Variants in BCOR observed in about 807,000 individuals in gnomAD.
The protein encoded by BCOR is BCL6 corepressor.
Under a neutral mutation model 86.7 loss-of-function variants are expected in BCOR, and 10 were observed. The ratio of observed to expected loss-of-function variants is 0.12; its 90% CI spans 0.07 to 0.20. The LOEUF (loss-of-function observed/expected upper bound fraction) is 0.20, where lower values mean the gene tolerates loss of function less well. Ranked by LOEUF, BCOR falls within the 10% of genes least tolerant of loss-of-function variation. The pLI is 1.00. For synonymous variants in BCOR, 611 were observed against 609.0 expected, an observed-to-expected ratio of 1.00 and a Z score of -0.05; for missense variants, 1,259 against 1,452.1, an observed-to-expected ratio of 0.87 and a Z score of 2.16.
At chrX:40,100,699 CAAAA>C (rs1223252222), upstream of BCOR, among the ~76,000 whole-genome samples, 1 of 36,194 alleles carries the variant, frequency 2.8e-5, no homozygotes, top group South Asian at 1.3e-3. Context: ...AACTCCGTCT[CAAAA>C]AAAAAAAAAG....
chrX:40,071,242 G>T, intron 5 of BCOR, 83 bp from the exon 6 acceptor site: 1 of 1,031,096 alleles, frequency 9.7e-7, no homozygotes, highest in Non-Finnish European at 1.3e-6. Context: ...TTAAAGGAAA[G>T]TATTTTCAAA....
At chrX:40,057,080 C>T in intron 11 of BCOR, 75 bp downstream of exon 11, 1 of 1,123,077 alleles carries the variant, frequency 8.9e-7, no homozygotes, top group African/African-American at 1.8e-5. Context: ...CCCGTATACA[C>T]TGAGAACCAC....
chrX:40,138,168 T>C (rs1386704367), intron 1 of BCOR, among the ~76,000 whole-genome samples: 4 of 111,795 alleles, frequency 3.6e-5, no homozygotes, highest in Non-Finnish European at 5.6e-5. Context: ...GTCAGGCTGG[T>C]CTCGAACTCC....
At chrX:40,110,872 A>C (rs1167643973) in intron 1 of BCOR, among the ~76,000 whole-genome samples, 1 of 106,995 alleles carries the variant, frequency 9.3e-6, no homozygotes, top group Non-Finnish European at 1.9e-5. Flanking sequence ...CACTACACCC[A>C]GCTAATGTTT....
intron 1 of BCOR, among the ~76,000 whole-genome samples, chrX:40,078,756 G>T (rs752300012): frequency 1.7e-3 from 196 of 112,021 alleles, no homozygotes; most frequent in African/African-American, 6.0e-3. Flanking sequence ...GGAGCCGGCA[G>T]AAGCCACCCA....
At position 40,139,456 on chromosome X, in the gene BCOR, CATATATATATAT is replaced by C. The variant is rs1163392804; in HGVS notation, c.-41+37539_-41+37550del. On this transcript the variant is annotated intron_variant, in intron 1 of 14. Transcript: ENST00000342274. The stretch of plus-strand genomic sequence containing the variant: ...TATATATATATATATAATATATATA[CATATATATATAT>C]ATATATATATATATATATATATATA... Among the ~76,000 whole-genome samples the C allele has an allele frequency of 5.8e-3, 4 of 689 alleles. 1 individual carries two copies. The highest frequency in any genetic ancestry group is 9.1e-3 in the Non-Finnish European group (4 of 438). The allele number at this position is 689 out of a possible 115,157, so 0.6% of individuals were successfully genotyped here.
At chrX:40,164,702 CTCT>C (rs771917888) in intron 1 of BCOR, among the ~76,000 whole-genome samples, 5 of 112,165 alleles carry the variant, frequency 4.5e-5, no homozygotes, top group Middle Eastern at 4.7e-3. Context: ...CTTCTCTTCT[CTCT>C]TGTTTTTCTT....
chrX:40,149,027 T>G (rs943543624), intron 1 of BCOR, among the ~76,000 whole-genome samples: 1 of 110,633 alleles, frequency 9.0e-6, no homozygotes, highest in Non-Finnish European at 1.9e-5. Flanking sequence ...TGCCCGGGTC[T>G]CACACAACAG....
intron 1 of BCOR, among the ~76,000 whole-genome samples, chrX:40,143,360 C>A (rs933679181): frequency 8.9e-6 from 1 of 112,359 alleles, no homozygotes; most frequent in Admixed American, 9.4e-5. Flanking sequence ...TCTTTGAATT[C>A]ATTTATTTGT....
At chrX:40,123,917 C>T (rs774366072) in intron 1 of BCOR, among the ~76,000 whole-genome samples, 15 of 111,051 alleles carry the variant, frequency 1.4e-4, no homozygotes, top group Admixed American at 9.7e-4. Context: ...AAAACTCAGG[C>T]TGAATGTTCA....
intron 1 of BCOR, among the ~76,000 whole-genome samples, chrX:40,116,451 A>C (rs1440204265): frequency 9.1e-6 from 1 of 109,741 alleles, no homozygotes; most frequent in African/African-American, 3.3e-5. Context: ...GAGCTGAGAT[A>C]GCGCCACTGC....
At chrX:40,147,905 G>A (rs1938095009) in intron 1 of BCOR, among the ~76,000 whole-genome samples, 1 of 112,203 alleles carries the variant, frequency 8.9e-6, no homozygotes, top group South Asian at 3.7e-4. Context: ...AGACAGTGGG[G>A]TCCCCAGGGG....
intron 1 of BCOR, among the ~76,000 whole-genome samples, chrX:40,152,242 A>G (rs905647023): frequency 9.0e-6 from 1 of 110,809 alleles, no homozygotes; most frequent in African/African-American, 3.3e-5. Flanking sequence ...CTCAGAACCC[A>G]GGCGCTTCGA....
chrX:40,076,441 A>G lies in BCOR; in HGVS notation c.165+13T>C, dbSNP rs1283696875. 1 of 1,165,224 alleles carries G rather than the reference A, an allele frequency of 8.6e-7. No homozygotes were observed. Among genetic ancestry groups the G allele is most frequent in the African/African-American group, 1.8e-5 (1 of 56,256 alleles). On this transcript the variant is annotated intron_variant, in intron 3 of 14. Transcript: ENST00000378444. Reference sequence around the variant, plus strand: ...TGCAGATATGGCATCAACAGAAGCTATTAATCTCTTACCACGTTGTGGTTC... The same window carrying G: ...TGCAGATATGGCATCAACAGAAGCTGTTAATCTCTTACCACGTTGTGGTTC...
intron 1 of BCOR, among the ~76,000 whole-genome samples, chrX:40,111,198 G>A (rs994960089): frequency 1.8e-5 from 2 of 111,302 alleles, no homozygotes; most frequent in Admixed American, 1.9e-4. Context: ...CACCTTCTTA[G>A]AGGCTTTTCC....
intron 1 of BCOR, among the ~76,000 whole-genome samples, chrX:40,113,580 C>G (rs1937346285): frequency 9.0e-6 from 1 of 110,630 alleles, no homozygotes; most frequent in Non-Finnish European, 1.9e-5. Context: ...GCGGGTTGGT[C>G]CCTGGGAGGT....
At chrX:40,157,736 A>T (rs758783404) in intron 1 of BCOR, among the ~76,000 whole-genome samples, 82 of 111,943 alleles carry the variant, frequency 7.3e-4, no homozygotes, top group African/African-American at 2.6e-3. Context: ...GCCCAGCGGG[A>T]GATCACTCAG....
intron 1 of BCOR, among the ~76,000 whole-genome samples, chrX:40,175,861 T>TC (rs1938737364): frequency 8.9e-6 from 1 of 112,787 alleles, no homozygotes; most frequent in Non-Finnish European, 1.9e-5. Context: ...AGAAGACTGT[T>TC]CCGCGCCTTC....
At position 40,105,498 on chromosome X, in the gene BCOR, G is replaced by C. The variant is rs931328854; in HGVS notation, c.-40-27529C>G. ...GCCCTGCGGTATCCCGGTGTAAGCC[G>C]AGAGGACCCTTCCTGCGGTCCGATG... On this transcript the variant is annotated intron_variant, in intron 1 of 14. Transcript: ENST00000342274. Among the ~76,000 whole-genome samples, 5 of 112,090 alleles carry C rather than the reference G, an allele frequency of 4.5e-5. No individual in the cohort carries two copies. The East Asian group carries it at 1.1e-3, about 26-fold the overall frequency.
Sources: gnomAD v4.1 joint callset for allele counts (sites outside exome capture counted in the v4.1 genomes callset) on GRCh38, gnomAD v4.1.1 for gene constraint, MANE v1.5 for transcripts, NCBI Gene and HGNC (gene_info 2026-07-23, HGNC 2026-07-21) for gene names.